PHYKPL: variants seen among roughly 807,000 people sequenced by gnomAD.
PHYKPL encodes the protein 5-phosphonooxy-L-lysine phospho-lyase.
Under a neutral mutation model 51.3 loss-of-function variants are expected in PHYKPL, and 42 were observed. The ratio of observed to expected loss-of-function variants is 0.82; its 90% CI spans 0.64 to 1.06. PHYKPL has a LOEUF of 1.06. Among genes scored for constraint, PHYKPL ranks in the 50% least tolerant of loss-of-function variants. PHYKPL has a pLI of 0.00. For synonymous variants in PHYKPL, 264 were observed against 236.0 expected (o/e 1.12, Z -1.09); for missense variants, 655 against 586.6 (o/e 1.12, Z -1.20).
At chr5:178,210,705 T>C (rs1205457343) in intron 12 of PHYKPL, 1 of 1,101,192 alleles carries the variant, frequency 9.1e-7, no homozygotes, top group African/African-American at 1.5e-5. Flanking sequence ...CAAATTTAAC[T>C]TGGCAAACTT....
intron 12 of PHYKPL, chr5:178,210,811 G>A (rs1418834534): frequency 2.0e-5 from 12 of 610,828 alleles, no homozygotes; most frequent in African/African-American, 5.5e-5. Context: ...TTTAGGCAGC[G>A]TGTGGTGTCT....
At chr5:178,211,997 A>C in intron 11 of PHYKPL, 27 bp from the exon 12 acceptor site, 1 of 1,613,848 alleles carries the variant, frequency 6.2e-7, no homozygotes, top group African/African-American at 1.3e-5. Flanking sequence ...AGCAATGCCG[A>C]CTCAGTCACC....
intron 10 of PHYKPL, among the ~76,000 whole-genome samples, chr5:178,213,569 T>A (rs1205918819): frequency 6.6e-6 from 1 of 152,256 alleles, no homozygotes; most frequent in African/African-American, 2.4e-5. Flanking sequence ...CAATTCCAGT[T>A]TAAAATGTCC....
chr5:178,209,508 C>T (rs1757517459), intron 12 of PHYKPL: 2 of 1,432,224 alleles, frequency 1.4e-6, no homozygotes, highest in Middle Eastern at 1.8e-4. Flanking sequence ...CCTTCCAAGC[C>T]TGTCTTGGGG....
At chr5:178,223,297 C>T in intron 6 of PHYKPL, 4 of 448,756 alleles carry the variant, frequency 8.9e-6, no homozygotes, top group South Asian at 6.5e-5. Flanking sequence ...TAAACCTACT[C>T]CTTGCCCTCT....
At chr5:178,212,916 G>A in intron 11 of PHYKPL, 57 bp downstream of exon 11, 2 of 1,600,122 alleles carry the variant, frequency 1.2e-6, no homozygotes, top group South Asian at 1.1e-5. Context: ...GGAGGCTCTA[G>A]TTGCTGGCTT....
In PHYKPL at chr5:178,231,416, T is replaced by C. The variant is rs773364109; in HGVS notation, c.167A>G (p.Asn56Ser). 1.9e-5 allele frequency: 31 copies of C among 1,614,096 alleles called. No individual in the cohort carries two copies. In the Middle Eastern group the frequency reaches 4.9e-4, roughly 26 times the overall value. Residue 56 changes from asparagine (N) to serine (S), a missense_variant, in exon 2 of 13, where the codon AAT (asparagine) becomes AGT (serine). By Grantham distance (46) the Asn-to-Ser change is conservative (BLOSUM62 1). Coordinates refer to ENST00000308158, the MANE Select transcript of PHYKPL (RefSeq NM_153373.4). Reference sequence around the variant, plus strand: ...GGTGTGATACTGACCGTGCGCCACATTGCTGATGCAATCGATGTATTCTGC... The same window carrying C: ...GGTGTGATACTGACCGTGCGCCACACTGCTGATGCAATCGATGTATTCTGC... ...QGAEYIDCIS[N>S]VAHVGHCHPL...
rs1761336402 is a variant in PHYKPL at position 178,222,352 on chromosome 5, C to T, written c.927+3G>A. The stretch of plus-strand genomic sequence containing the variant: ...GCTCCCTTGACTTAGAGCCATCACT[C>T]ACCGTGTTGAAGTACTCAACGCCGG... On this transcript the variant is annotated splice_donor_region_variant and intron_variant, in intron 8 of 12. Coordinates refer to ENST00000308158, the MANE Select transcript of PHYKPL (RefSeq NM_153373.4). The T allele has an allele frequency of 1.2e-6, 2 of 1,606,252 alleles. No homozygotes were observed. Among genetic ancestry groups the T allele is most frequent in the Non-Finnish European group, 8.5e-7 (1 of 1,174,030 alleles).
At chr5:178,230,918 TCTG>T (rs1386574815) in intron 2 of PHYKPL, 1 of 155,392 alleles carries the variant, frequency 6.4e-6, no homozygotes, top group Admixed American at 6.2e-5. Context: ...GACTAGAGTC[TCTG>T]CTTTTTTTTT....
At position 178,232,514 on chromosome 5, in the gene PHYKPL, C is replaced by T. The variant is rs763449163; in HGVS notation, c.37G>A (p.Ala13Thr). 2.2e-5 allele frequency: 28 copies of T among 1,290,064 alleles called. No individual in the cohort carries two copies. Among genetic ancestry groups the T allele is most frequent in the African/African-American group, 1.6e-4 (10 of 63,742 alleles). 79.9% of individuals were successfully genotyped at this position (1,290,064 alleles called of 1,614,324 possible). A position where few individuals can be genotyped will look rare whatever the true frequency, so the allele number is the denominator to read the frequency against. ...TACCTGATGAGCCGTTGCCTCAGGG[C>T]CAGCGTGTCGGCCTTCGGGCGCTGG... ...ADQRPKADTL[A>T]LRQRLISSSC... Residue 13 changes from alanine (A) to threonine (T), a missense_variant, in exon 1 of 13, where the codon GCC becomes ACC. By Grantham distance (58) the Ala-to-Thr change is moderately conservative. Coordinates refer to ENST00000308158, the MANE Select transcript of PHYKPL (RefSeq NM_153373.4).
intron 3 of PHYKPL, among the ~76,000 whole-genome samples, chr5:178,228,959 C>T (rs1762835043): frequency 6.6e-6 from 1 of 152,184 alleles, no homozygotes; most frequent in Non-Finnish European, 1.5e-5. Flanking sequence ...GCTTGCCTCC[C>T]AACAGCTCAC....
intron 7 of PHYKPL, 25 bp downstream of exon 7, chr5:178,222,827 G>A (rs1022901086): frequency 1.2e-6 from 2 of 1,612,552 alleles, no homozygotes; most frequent in African/African-American, 2.7e-5. Flanking sequence ...GCCCTCCCTA[G>A]AGCAGACCCC....
intron 8 of PHYKPL, among the ~76,000 whole-genome samples, chr5:178,218,195 T>C (rs1177073133): frequency 2.9e-5 from 3 of 102,824 alleles, no homozygotes; most frequent in Admixed American, 1.5e-4. Context: ...CCAGCCTGGG[T>C]GACAGAGCGA....
chr5:178,217,200 A>G (rs1429963578), intron 8 of PHYKPL, among the ~76,000 whole-genome samples: 1 of 152,016 alleles, frequency 6.6e-6, no homozygotes, highest in East Asian at 1.9e-4. Flanking sequence ...AAATGAAATG[A>G]AGCATTTACT....
chr5:178,220,755 G>A (rs1761022238), intron 8 of PHYKPL, among the ~76,000 whole-genome samples: 1 of 149,772 alleles, frequency 6.7e-6, no homozygotes, highest in Non-Finnish European at 1.5e-5. Context: ...AACATGGAAC[G>A]ACCTCAAAGC....
At chr5:178,232,017 C>T (rs1217154940) in intron 1 of PHYKPL, 53 of 1,202,522 alleles carry the variant, frequency 4.4e-5, no homozygotes, top group Middle Eastern at 3.7e-4. Flanking sequence ...CCACCGAGGG[C>T]CCCCTCACAG....
intron 12 of PHYKPL, 144 bp from the exon 13 acceptor site, chr5:178,209,059 G>A: frequency 2.5e-6 from 1 of 405,998 alleles, no homozygotes; most frequent in Non-Finnish European, 4.6e-6. Context: ...AGTTGGCCCA[G>A]TTGCCTGCCT....
At chr5:178,226,952 C>T (rs939770820) in intron 3 of PHYKPL, among the ~76,000 whole-genome samples, 2 of 150,074 alleles carry the variant, frequency 1.3e-5, no homozygotes, top group Non-Finnish European at 3.0e-5. Flanking sequence ...CAAATACACA[C>T]ACACACACGC....
At position 178,230,031 on chromosome 5, in the gene PHYKPL, G is replaced by T. The variant is rs780196759; in HGVS notation, c.247C>A (p.Arg83=). The T allele has an allele frequency of 1.9e-6, 3 of 1,614,102 alleles. No homozygotes were observed. The African/African-American group carries it at 4.0e-5, about 22-fold the overall frequency. ...EQNQVLNTNS[R]YLHDNIVDYA... The stretch of plus-strand genomic sequence containing the variant: ...TCCACGATGTTGTCATGCAGGTACC[G>T]GCTGTTGGTGTTGAGCACCTGGTTC... Residue 83 remains arginine (R), a synonymous_variant, in exon 3 of 13, where the codon CGG becomes AGG. Coordinates refer to ENST00000308158, the MANE Select transcript of PHYKPL (RefSeq NM_153373.4).
Sources: gnomAD v4.1 joint callset for allele counts (sites outside exome capture counted in the v4.1 genomes callset) on GRCh38, gnomAD v4.1.1 for gene constraint, MANE v1.5 for transcripts, NCBI Gene and HGNC (gene_info 2026-07-23, HGNC 2026-07-21) for gene names.